Variants in FHIT observed in about 807,000 individuals in gnomAD.
FHIT encodes bis(5'-adenosyl)-triphosphatase.
FHIT carries 19 observed loss-of-function variants against 17.9 expected under a neutral mutation model. That is an observed-to-expected ratio of 1.06 (90% CI 0.74 to 1.56). The LOEUF is 1.56. FHIT is among the 40% of genes most tolerant of loss of function. FHIT has a pLI of 0.00. For missense variants in FHIT, 248 were observed against 189.2 expected (o/e 1.31, Z -1.82); for synonymous variants, 81 against 69.7 (o/e 1.16, Z -0.81).
At position 60,091,743 on chromosome 3, in the gene FHIT, G is replaced by A. The variant is rs575031565; in HGVS notation, c.104-77591C>T. Among the ~76,000 whole-genome samples, 15 of 152,078 alleles carry A rather than the reference G, an allele frequency of 9.9e-5. 1 individual carries two copies. The highest frequency in any genetic ancestry group is 1.3e-4 in the Non-Finnish European group (9 of 67,996). On this transcript the variant is annotated intron_variant, in intron 5 of 9. Coordinates refer to ENST00000492590, the MANE Select transcript of FHIT (RefSeq NM_002012.4). The stretch of plus-strand genomic sequence containing the variant: ...GAGATCTGGCTGTTTAAAAGTGTGC[G>A]GCACCTCCCACCTTGCCTTTCTTCT...
intron 5 of FHIT, among the ~76,000 whole-genome samples, chr3:60,311,326 G>C (rs1274289410): frequency 6.6e-6 from 1 of 151,944 alleles, no homozygotes; most frequent in East Asian, 1.9e-4. Context: ...CTGTGTCCTT[G>C]AGTTTAGATT....
chr3:61,231,081 T>C (rs7640756), intron 1 of FHIT, among the ~76,000 whole-genome samples: 19,072 of 152,226 alleles, frequency 0.13, 1,324 homozygotes, highest in African/African-American at 0.16. Flanking sequence ...TATGATGCTA[T>C]AGTTTTACAA....
At chr3:60,027,130 C>CAG (rs1700776134) in intron 5 of FHIT, among the ~76,000 whole-genome samples, 2 of 125,894 alleles carry the variant, frequency 1.6e-5, no homozygotes, top group African/African-American at 6.5e-5. Flanking sequence ...CACACACACA[C>CAG]ACACACACAC....
chr3:60,578,625 A>T (rs2037652591), intron 4 of FHIT, among the ~76,000 whole-genome samples: 1 of 152,188 alleles, frequency 6.6e-6, no homozygotes, highest in African/African-American at 2.4e-5. Flanking sequence ...AGGTTTTGTC[A>T]TGAGGAGGAC....
At chr3:60,634,822 G>A (rs890969977) in intron 4 of FHIT, among the ~76,000 whole-genome samples, 2 of 152,160 alleles carry the variant, frequency 1.3e-5, no homozygotes, top group African/African-American at 4.8e-5. Flanking sequence ...AAAGTCACAG[G>A]GATTTGTTTT....
At chr3:60,467,452 C>A (rs1222081046) in intron 5 of FHIT, among the ~76,000 whole-genome samples, 11 of 151,766 alleles carry the variant, frequency 7.2e-5, no homozygotes. Flanking sequence ...TTGATGTAGG[C>A]AATTACTACT....
intron 5 of FHIT, among the ~76,000 whole-genome samples, chr3:60,081,894 C>A (rs1314966334): frequency 3.5e-5 from 5 of 144,728 alleles, no homozygotes; most frequent in Non-Finnish European, 7.5e-5. Context: ...AGTACAATAA[C>A]CACAAACGTT....
At chr3:59,923,747 G>A (rs1429051631) in intron 7 of FHIT, among the ~76,000 whole-genome samples, 1 of 152,096 alleles carries the variant, frequency 6.6e-6, no homozygotes, top group East Asian at 1.9e-4. Context: ...CTGCGATCGG[G>A]TTCCGAGGCT....
intron 2 of FHIT, among the ~76,000 whole-genome samples, chr3:61,088,771 G>GA (rs11430739): frequency 0.69 from 104,966 of 151,870 alleles, 37,476 homozygotes; most frequent in African/African-American, 0.8. Context: ...AAAATGCTGG[G>GA]AAGAACTACA....
chr3:61,037,119 G>C (rs1278743591), intron 3 of FHIT, among the ~76,000 whole-genome samples: 1 of 152,056 alleles, frequency 6.6e-6, no homozygotes, highest in Admixed American at 6.6e-5. Flanking sequence ...CACCGTGTTA[G>C]CCAGGATGGT....
chr3:60,923,675 C>T (rs1294545923), intron 3 of FHIT, among the ~76,000 whole-genome samples: 3 of 152,044 alleles, frequency 2.0e-5, no homozygotes, highest in Admixed American at 1.3e-4. Context: ...ACTGAGGTAC[C>T]AGGTTCATCT....
At chr3:60,510,771 A>G (rs1002888745) in intron 5 of FHIT, among the ~76,000 whole-genome samples, 2 of 152,184 alleles carry the variant, frequency 1.3e-5, no homozygotes, top group African/African-American at 2.4e-5. Flanking sequence ...AATCCAAAAT[A>G]TTAAATTTAA....
At chr3:60,275,061 A>G (rs1383092324) in intron 5 of FHIT, among the ~76,000 whole-genome samples, 3 of 152,092 alleles carry the variant, frequency 2.0e-5, no homozygotes, top group Non-Finnish European at 4.4e-5. Context: ...CATTTTATTT[A>G]AAGACTCCTT....
intron 5 of FHIT, among the ~76,000 whole-genome samples, chr3:60,071,432 G>A (rs141102427): frequency 1.3e-3 from 195 of 152,236 alleles, no homozygotes; most frequent in African/African-American, 2.0e-3. Context: ...CACTGCAACC[G>A]TGTCTGTATT....
intron 5 of FHIT, among the ~76,000 whole-genome samples, chr3:60,375,574 G>T (rs888843110): frequency 2.6e-5 from 4 of 152,066 alleles, no homozygotes; most frequent in African/African-American, 7.2e-5. Context: ...GTGAGACTCT[G>T]TCTCAAAAAA....
At chr3:60,084,940 T>C (rs1379992774) in intron 5 of FHIT, among the ~76,000 whole-genome samples, 1 of 152,164 alleles carries the variant, frequency 6.6e-6, no homozygotes. Context: ...TCATTCTCCC[T>C]AGAGGCCAAA....
chr3:60,734,921 T>C lies in FHIT; in HGVS notation c.-18+86998A>G, dbSNP rs184054925. On this transcript the variant is annotated intron_variant, in intron 4 of 9. Transcript: ENST00000492590. ...GATTTAAATAAATAAATTGTTATAA[T>C]TGTAGTTACAGTTATAGTCAAGGGG... Among the ~76,000 whole-genome samples, 62 of 152,342 alleles carry C rather than the reference T, an allele frequency of 4.1e-4. No homozygotes were observed. In the East Asian group the frequency reaches 7.9e-3, roughly 19 times the overall value.
intron 4 of FHIT, among the ~76,000 whole-genome samples, chr3:60,576,546 A>C (rs1553657677): frequency 6.6e-6 from 1 of 152,212 alleles, no homozygotes; most frequent in African/African-American, 2.4e-5. Context: ...ACATCAGAAA[A>C]GCAACTTTTT....
At chr3:60,441,267 T>A (rs1473223568) in intron 5 of FHIT, among the ~76,000 whole-genome samples, 2 of 152,108 alleles carry the variant, frequency 1.3e-5, no homozygotes, top group Non-Finnish European at 2.9e-5. Context: ...TTGGCTGTAC[T>A]ACCAGTAAGT....
Sources: gnomAD v4.1 joint callset for allele counts (sites outside exome capture counted in the v4.1 genomes callset) on GRCh38, gnomAD v4.1.1 for gene constraint, MANE v1.5 for transcripts, NCBI Gene and HGNC (gene_info 2026-07-23, HGNC 2026-07-21) for gene names.